The following RBMS3 variants were observed in gnomAD, a reference collection of about 807,000 sequenced individuals.
RBMS3 encodes the protein RNA binding motif single stranded interacting protein 3.
In RBMS3, 27 loss-of-function variants were observed where a neutral mutation model predicts 66.8. That is an observed-to-expected ratio of 0.40 (90% CI 0.30 to 0.56). RBMS3 has a LOEUF of 0.56. Among genes scored for constraint, RBMS3 ranks in the 20% least tolerant of loss-of-function variants. The pLI is 0.40. For missense variants in RBMS3, 513 were observed against 549.5 expected, an observed-to-expected ratio of 0.93 and a Z score of 0.66; for synonymous variants, 188 against 183.0, an observed-to-expected ratio of 1.03 and a Z score of -0.22.
chr3:29,317,836 C>T (rs2034778814), intron 1 of RBMS3, among the ~76,000 whole-genome samples: 1 of 151,774 alleles, frequency 6.6e-6, no homozygotes. Context: ...TCGTTTCACC[C>T]ACTCATGGAA....
At chr3:29,369,196 A>G (rs2038060924) in intron 1 of RBMS3, among the ~76,000 whole-genome samples, 1 of 152,048 alleles carries the variant, frequency 6.6e-6, no homozygotes, top group Admixed American at 6.6e-5. Context: ...AGGATCAGGA[A>G]GAATAACTAA....
At chr3:29,848,508 G>C (rs2058846763) in intron 6 of RBMS3, among the ~76,000 whole-genome samples, 1 of 152,168 alleles carries the variant, frequency 6.6e-6, no homozygotes, top group African/African-American at 2.4e-5. Flanking sequence ...AAAAAGTCCA[G>C]GGGGTTAAAC....
intron 3 of RBMS3, among the ~76,000 whole-genome samples, chr3:29,496,379 T>G (rs1358832431): frequency 2.0e-5 from 3 of 152,190 alleles, no homozygotes; most frequent in Admixed American, 6.5e-5. Context: ...CTTGAAGGTT[T>G]GCTTTATTTG....
intron 2 of RBMS3, among the ~76,000 whole-genome samples, chr3:29,440,515 C>T (rs2041578366): frequency 6.6e-6 from 1 of 152,148 alleles, no homozygotes; most frequent in South Asian, 2.1e-4. Context: ...AACTGCCCTG[C>T]CCCCACACTT....
Position 29,576,925 on chromosome 3 carries a change from G to A in RBMS3, c.308-10189G>A, listed in dbSNP as rs536339192. Among the ~76,000 whole-genome samples, 376 of 152,292 alleles carry A rather than the reference G, an allele frequency of 2.5e-3. 4 individuals carry two copies. The highest frequency in any genetic ancestry group is 8.3e-3 in the African/African-American group (346 of 41,564). ...GCAGGTCCAGAAATGCTGTCTACTA[G>A]CCTAGGCCTAGACTTAGTGACCCTA... On this transcript the variant is annotated intron_variant, in intron 3 of 14. Coordinates refer to ENST00000383767, the MANE Select transcript of RBMS3 (RefSeq NM_001003793.3).
At chr3:29,425,225 A>AAAC (rs1559350818) in intron 1 of RBMS3, among the ~76,000 whole-genome samples, 2 of 151,236 alleles carry the variant, frequency 1.3e-5, no homozygotes, top group African/African-American at 4.9e-5. Flanking sequence ...ACAAAAAAAA[A>AAAC]AAAACAGGCG....
intron 1 of RBMS3, among the ~76,000 whole-genome samples, chr3:29,363,799 T>TAA (rs35770680): frequency 2.8e-5 from 4 of 142,786 alleles, no homozygotes; most frequent in Admixed American, 1.4e-4. Flanking sequence ...CAAAAACAAT[T>TAA]AAAAAAAAAA....
intron 3 of RBMS3, among the ~76,000 whole-genome samples, chr3:29,498,409 AT>A (rs2043842747): frequency 6.6e-6 from 1 of 152,182 alleles, no homozygotes; most frequent in African/African-American, 2.4e-5. Flanking sequence ...GGCAAATTGT[AT>A]ATACTAATGT....
chr3:29,473,490 C>A (rs6549945), intron 2 of RBMS3, among the ~76,000 whole-genome samples: 1 of 152,038 alleles, frequency 6.6e-6, no homozygotes, highest in Non-Finnish European at 1.5e-5. Flanking sequence ...CTGCCAGTCC[C>A]GCGCCGTGCG....
intron 6 of RBMS3, among the ~76,000 whole-genome samples, chr3:29,816,167 C>T (rs942016035): frequency 3.3e-5 from 5 of 152,024 alleles, no homozygotes. Flanking sequence ...CTTTAAGGGC[C>T]TCTCAGTCTT....
intron 2 of RBMS3, among the ~76,000 whole-genome samples, chr3:29,466,692 A>G (rs1302293870): frequency 6.6e-6 from 1 of 152,198 alleles, no homozygotes; most frequent in East Asian, 1.9e-4. Flanking sequence ...AGGAAGCAGG[A>G]GGCTGAACGG....
At chr3:29,990,976 G>C in intron 13 of RBMS3, 106 bp from the exon 14 acceptor site, 1 of 1,015,352 alleles carries the variant, frequency 9.8e-7, no homozygotes, top group East Asian at 2.5e-5. Context: ...ATGTAGCTGA[G>C]GGTATCTCTA....
At chr3:29,994,975 G>C (rs1256703993) in intron 14 of RBMS3, among the ~76,000 whole-genome samples, 8 of 152,180 alleles carry the variant, frequency 5.3e-5, no homozygotes, top group Non-Finnish European at 1.2e-4. Context: ...AAATTACTCT[G>C]AGCTATGGGA....
chr3:29,516,123 G>A (rs1466090853), intron 3 of RBMS3, among the ~76,000 whole-genome samples: 1 of 152,182 alleles, frequency 6.6e-6, no homozygotes, highest in African/African-American at 2.4e-5. Flanking sequence ...GGCAGGCTGG[G>A]AAGGGGATTG....
chr3:29,718,982 T>C (rs1186689646), intron 4 of RBMS3, among the ~76,000 whole-genome samples: 1 of 152,210 alleles, frequency 6.6e-6, no homozygotes, highest in East Asian at 1.9e-4. Flanking sequence ...GCTTTTGTCT[T>C]CATTTTACTG....
chr3:29,546,468 G>T (rs1444810962), intron 3 of RBMS3, among the ~76,000 whole-genome samples: 1 of 152,064 alleles, frequency 6.6e-6, no homozygotes, highest in East Asian at 1.9e-4. Context: ...AAATGGTTAA[G>T]AGGCCATATA....
At chr3:29,856,023 T>C (rs1361884674) in intron 6 of RBMS3, among the ~76,000 whole-genome samples, 1 of 152,224 alleles carries the variant, frequency 6.6e-6, no homozygotes, top group Non-Finnish European at 1.5e-5. Flanking sequence ...ATTAGAAGTG[T>C]ATATAATAGA....
chr3:29,693,043 T>C (rs1262297494), intron 4 of RBMS3, among the ~76,000 whole-genome samples: 1 of 152,138 alleles, frequency 6.6e-6, no homozygotes, highest in Non-Finnish European at 1.5e-5. Context: ...TGTAACTTAT[T>C]CTGTTTAATG....
intron 4 of RBMS3, among the ~76,000 whole-genome samples, chr3:29,675,708 C>G (rs143091587): frequency 6.6e-6 from 1 of 152,080 alleles, no homozygotes; most frequent in African/African-American, 2.4e-5. Flanking sequence ...CAGAGAAATG[C>G]GAATCAAAAC....
Sources: gnomAD v4.1 joint callset for allele counts (sites outside exome capture counted in the v4.1 genomes callset) on GRCh38, gnomAD v4.1.1 for gene constraint, MANE v1.5 for transcripts, NCBI Gene and HGNC (gene_info 2026-07-23, HGNC 2026-07-21) for gene names.